Variants in DNAAF9 observed in about 807,000 individuals in gnomAD.
The protein encoded by DNAAF9 is dynein axonemal assembly factor 9.
In DNAAF9, 90 loss-of-function variants were observed where a neutral mutation model predicts 167.0. The observed-to-expected ratio is 0.54, with a 90% CI of 0.45 to 0.64. DNAAF9 has a LOEUF of 0.64. Among genes scored for constraint, DNAAF9 ranks in the 30% least tolerant of loss-of-function variants. The pLI is 0.00. For synonymous variants in DNAAF9, 491 were observed against 508.8 expected (o/e 0.96, Z 0.47); for missense variants, 1,315 against 1,442.2 (o/e 0.91, Z 1.43).
At chr20:3,329,449 G>T (rs933674394) in intron 12 of DNAAF9, among the ~76,000 whole-genome samples, 1 of 152,176 alleles carries the variant, frequency 6.6e-6, no homozygotes, top group African/African-American at 2.4e-5. Context: ...GAGCCACTGC[G>T]CTCAGTCCCA....
chr20:3,259,203 C>G (rs1322394008), intron 33 of DNAAF9, among the ~76,000 whole-genome samples: 2 of 152,156 alleles, frequency 1.3e-5, no homozygotes, highest in Admixed American at 1.3e-4. Context: ...AGGCTCTGAA[C>G]AAGAAGGTCA....
intron 31 of DNAAF9, among the ~76,000 whole-genome samples, chr20:3,260,958 A>G (rs1364894888): frequency 2.0e-5 from 3 of 152,104 alleles, no homozygotes; most frequent in African/African-American, 7.2e-5. Flanking sequence ...AAGGGCTCCA[A>G]CTATGCCCCG....
At chr20:3,284,486 G>C (rs1366778465) in intron 27 of DNAAF9, among the ~76,000 whole-genome samples, 1 of 151,172 alleles carries the variant, frequency 6.6e-6, no homozygotes, top group Non-Finnish European at 1.5e-5. Flanking sequence ...CCAGGCTACA[G>C]CTTGTACCGG....
At chr20:3,403,278 C>T (rs2084013959) in intron 1 of DNAAF9, among the ~76,000 whole-genome samples, 1 of 152,108 alleles carries the variant, frequency 6.6e-6, no homozygotes. Context: ...ATCAAATGGG[C>T]ACTAGGTGCT....
chr20:3,379,162 T>C (rs1233780088), intron 3 of DNAAF9, among the ~76,000 whole-genome samples: 5 of 151,880 alleles, frequency 3.3e-5, no homozygotes, highest in Admixed American at 3.3e-4. Flanking sequence ...TAGGATCCCG[T>C]AAGAGACATA....
At chr20:3,257,106 G>A (rs2068295263) in intron 33 of DNAAF9, among the ~76,000 whole-genome samples, 1 of 152,156 alleles carries the variant, frequency 6.6e-6, no homozygotes, top group South Asian at 2.1e-4. Context: ...TGAGGGCTAG[G>A]AGTGACTGGA....
At chr20:3,284,661 C>T (rs1028670963) in intron 27 of DNAAF9, among the ~76,000 whole-genome samples, 1 of 152,156 alleles carries the variant, frequency 6.6e-6, no homozygotes, top group East Asian at 1.9e-4. Flanking sequence ...ATTCAAGTCT[C>T]CTTTGGGCTC....
intron 15 of DNAAF9, 105 bp downstream of exon 15, chr20:3,322,547 G>T: frequency 1.1e-6 from 1 of 910,576 alleles, no homozygotes; most frequent in South Asian, 1.3e-5. Flanking sequence ...TGATGTCACT[G>T]CTAGGTGTGG....
intron 13 of DNAAF9, among the ~76,000 whole-genome samples, chr20:3,325,248 C>G (rs1186913120): frequency 6.6e-6 from 1 of 152,192 alleles, no homozygotes; most frequent in Non-Finnish European, 1.5e-5. Context: ...GAGAAGTGAC[C>G]AGCTGTGATG....
chr20:3,261,694 C>T (rs906032293), intron 31 of DNAAF9, among the ~76,000 whole-genome samples: 2 of 151,574 alleles, frequency 1.3e-5, no homozygotes, highest in African/African-American at 4.9e-5. Context: ...AACAGCACTG[C>T]AATTTTAATT....
Position 3,251,282 on chromosome 20 carries a change from A to G in DNAAF9, c.*1290T>C, listed in dbSNP as rs2068190491. The G allele has an allele frequency of 6.6e-6, 1 of 152,076 alleles. No homozygotes were observed. The highest frequency in any genetic ancestry group is 2.4e-5 in the African/African-American group (1 of 41,382). The allele number at this position is 152,076 out of a possible 1,614,324, so 9.4% of individuals were successfully genotyped here. On this transcript the variant is annotated 3_prime_UTR_variant, in exon 37 of 37. Coordinates refer to ENST00000252032, the MANE Select transcript of DNAAF9 (RefSeq NM_001009984.3). Reference sequence around the variant, plus strand: ...TCCGCTGCTCCAGGGGCCTTGCTCAAAAACCCCCTATATTACTGGAAACTG... The same window carrying G: ...TCCGCTGCTCCAGGGGCCTTGCTCAGAAACCCCCTATATTACTGGAAACTG...
At chr20:3,330,861 G>A (rs1291562475) in intron 11 of DNAAF9, among the ~76,000 whole-genome samples, 179 bp from the exon 12 acceptor site, 9 of 147,596 alleles carry the variant, frequency 6.1e-5, no homozygotes, top group Non-Finnish European at 1.3e-4. Context: ...GCGTAATCTC[G>A]GCTCACTGCA....
chr20:3,316,067 G>T, intron 18 of DNAAF9: 1 of 476,318 alleles, frequency 2.1e-6, no homozygotes, highest in Non-Finnish European at 3.7e-6. Flanking sequence ...TTTCACTTCA[G>T]AAAAAAACAA....
In DNAAF9 at chr20:3,295,901, G is replaced by C. The variant is rs1027421175; in HGVS notation, c.2018+960C>G. 22 of 1,360,284 alleles carry C rather than the reference G, an allele frequency of 1.6e-5. 1 individual carries two copies. Among genetic ancestry groups the C allele is most frequent in the Admixed American group, 8.5e-5 (5 of 58,978 alleles). The allele number at this position is 1,360,284 out of a possible 1,614,324, so 84.3% of individuals were successfully genotyped here. A position where few individuals can be genotyped will look rare whatever the true frequency, so the allele number is the denominator to read the frequency against. On this transcript the variant is annotated intron_variant, in intron 23 of 36. Transcript: ENST00000252032. ...GGGAGCCCAGCCAGTGCCGTCAATTGAATGTTCTCTCAGTAAACTCAGACA... is the reference window on the plus strand; with the variant it reads ...GGGAGCCCAGCCAGTGCCGTCAATTCAATGTTCTCTCAGTAAACTCAGACA...
At chr20:3,326,366 CT>C in intron 12 of DNAAF9, 82 bp from the exon 13 acceptor site, 2 of 907,562 alleles carry the variant, frequency 2.2e-6, no homozygotes, top group Non-Finnish European at 3.6e-6. Context: ...ATGACAGCCC[CT>C]AAGAAACTGA....
intron 32 of DNAAF9, 115 bp downstream of exon 32, chr20:3,259,807 G>C: frequency 1.4e-6 from 1 of 717,164 alleles, no homozygotes; most frequent in Non-Finnish European, 2.4e-6. Context: ...TCTACTTTTG[G>C]TTTCAAAAGG....
chr20:3,358,021 T>TA (rs1422527132), intron 7 of DNAAF9, among the ~76,000 whole-genome samples: 1 of 151,830 alleles, frequency 6.6e-6, no homozygotes, highest in Non-Finnish European at 1.5e-5. Flanking sequence ...AATATATATA[T>TA]TTTTAAAATA....
intron 17 of DNAAF9, among the ~76,000 whole-genome samples, chr20:3,317,895 C>A (rs1223978588): frequency 6.6e-6 from 1 of 152,184 alleles, no homozygotes; most frequent in South Asian, 2.1e-4. Flanking sequence ...CCACGCCCAG[C>A]CTTCAAGTTG....
intron 33 of DNAAF9, among the ~76,000 whole-genome samples, chr20:3,257,371 G>C (rs2068299630): frequency 6.6e-6 from 1 of 151,742 alleles, no homozygotes; most frequent in African/African-American, 2.4e-5. Context: ...AATCAGCCAG[G>C]CATGGTGGTT....
Sources: gnomAD v4.1 joint callset for allele counts (sites outside exome capture counted in the v4.1 genomes callset) on GRCh38, gnomAD v4.1.1 for gene constraint, MANE v1.5 for transcripts, NCBI Gene and HGNC (gene_info 2026-07-23, HGNC 2026-07-21) for gene names.